Variants in LTBP3 observed in about 807,000 individuals in gnomAD.
The protein encoded by LTBP3 is latent-transforming growth factor beta-binding protein 3.
In LTBP3, 97 loss-of-function variants were observed where a neutral mutation model predicts 159.7. The ratio of observed to expected loss-of-function variants is 0.61; its 90% CI spans 0.52 to 0.72. The LOEUF (loss-of-function observed/expected upper bound fraction) is 0.72, where lower values mean the gene tolerates loss of function less well. Among genes scored for constraint, LTBP3 ranks in the 30% least tolerant of loss-of-function variants. LTBP3 has a pLI of 0.00. For missense variants in LTBP3, 1,584 were observed against 1,864.3 expected (o/e 0.85, Z 2.77); for synonymous variants, 824 against 777.1 (o/e 1.06, Z -1.00).
chr11:65,551,474 G>A lies in LTBP3; in HGVS notation c.1549C>T (p.Pro517Ser), dbSNP rs759938736. The A allele has an allele frequency of 6.2e-7, 1 of 1,614,060 alleles. No individual in the cohort carries two copies. The highest frequency in any genetic ancestry group is 1.1e-5 in the South Asian group (1 of 91,092). ...TGCACTGACCTCTCCTCACTCACCG[G>A]CTGCGGGTGACAGCAGCATGAGCCC... is the stretch of plus-strand genomic sequence containing the variant. ...EEERGVTTDSPVSEERSVQQS... is the reference protein window; with the variant it reads ...EEERGVTTDSSVSEERSVQQS... The change falls in exon 10 of 28, where the codon CCG becomes TCG. Residue 517 changes from proline (P) to serine (S), a missense_variant and splice_region_variant. By Grantham distance (74) the Pro-to-Ser change is moderately conservative. Around this residue, in one of 6 missense-constraint regions of LTBP3, gnomAD observed 565 missense variants for 677.7 expected, o/e 0.83. Transcript: ENST00000301873.
Position 65,546,308 on chromosome 11 carries a change from G to A in LTBP3, c.2353+134C>T, listed in dbSNP as rs1272759062. 21 of 1,186,072 alleles carry A rather than the reference G, an allele frequency of 1.8e-5. No homozygotes were observed. The highest frequency in any genetic ancestry group is 2.0e-5 in the Non-Finnish European group (18 of 883,832). 73.5% of individuals were successfully genotyped at this position (1,186,072 alleles called of 1,614,324 possible). On this transcript the variant is annotated intron_variant, in intron 16 of 27. Transcript: ENST00000301873. The surrounding 1 kb of genome is among the most constrained non-coding windows in gnomAD (Gnocchi z 4.0). ...TGCCTTCCTTGGCAAAGTTCGTTGA[G>A]AAAATGAGTGAGCAGAGTCACCTGG...
Position 65,546,683 on chromosome 11 carries a change from A to C in LTBP3, c.2230+115T>G. The C allele has an allele frequency of 6.5e-7, 1 of 1,542,132 alleles. No homozygotes were observed. Among genetic ancestry groups the C allele is most frequent in the Non-Finnish European group, 8.7e-7 (1 of 1,147,502 alleles). On this transcript the variant is annotated intron_variant, in intron 15 of 27. Transcript: ENST00000301873. The surrounding 1 kb of genome is among the most constrained non-coding windows in gnomAD (Gnocchi z 4.0). ...TTGAGAGGGCAGCCTCTACTCCCGG[A>C]AGGCCCCGCCCCCAGACGCCAATCA...
Position 65,553,591 on chromosome 11 carries a change from G to A in LTBP3, c.865-61C>T. On this transcript the variant is annotated intron_variant, in intron 3 of 27. Transcript: ENST00000301873. This position sits in a 1 kb window ranked among gnomAD's most constrained non-coding sequence, Gnocchi z 6.5. ...CCCCGCCCCGGTGCCGCCTGTTAGG[G>A]TTGGGCCTTTTCCTCTTCCCCCGCC... 1.3e-6 allele frequency: 2 copies of A among 1,503,234 alleles called. No individual in the cohort carries two copies. The highest frequency in any genetic ancestry group is 1.8e-6 in the Non-Finnish European group (2 of 1,094,816). The allele number at this position is 1,503,234 out of a possible 1,614,324, so 93.1% of individuals were successfully genotyped here.
intron 19 of LTBP3, 64 bp downstream of exon 19, chr11:65,541,536 C>A: frequency 5.0e-6 from 8 of 1,612,448 alleles, no homozygotes; most frequent in Non-Finnish European, 6.8e-6. Context: ...GGACACATCT[C>A]TGAATCCCAG....
intron 16 of LTBP3, chr11:65,543,845 CT>C: frequency 1.5e-5 from 7 of 469,940 alleles, no homozygotes; most frequent in Non-Finnish European, 1.6e-5. Flanking sequence ...CCATGGCTCC[CT>C]TTTTCCTCTG....
chr11:65,551,384 C>G lies in LTBP3; in HGVS notation c.1621+18G>C. 1.9e-6 allele frequency: 3 copies of G among 1,611,458 alleles called. No individual in the cohort carries two copies. The highest frequency in any genetic ancestry group is 2.5e-6 in the Non-Finnish European group (3 of 1,179,898). On this transcript the variant is annotated intron_variant, in intron 10 of 27. Transcript: ENST00000301873. ...TGATTTAGCCCTTGAGGACTCATCC[C>G]TACAGTGCCCAGCTCACCGGGGTAG...
chr11:65,538,719 C>A lies in LTBP3; in HGVS notation c.*361G>T. On this transcript the variant is annotated 3_prime_UTR_variant, in exon 28 of 28. Transcript: ENST00000301873. ...TCTATTTCACACCCCTTGTGCCGGG[C>A]TCAGTCTAGCCCCTGGGAGGCGGCT... 3 of 1,120,338 alleles carry A rather than the reference C, an allele frequency of 2.7e-6. No homozygotes were observed. Among genetic ancestry groups the A allele is most frequent in the South Asian group, 1.6e-5 (1 of 61,662 alleles). The allele number at this position is 1,120,338 out of a possible 1,614,324, so 69.4% of individuals were successfully genotyped here. A position where few individuals can be genotyped will look rare whatever the true frequency, so the allele number is the denominator to read the frequency against.
chr11:65,549,113 T>C (rs1856498336), intron 11 of LTBP3, among the ~76,000 whole-genome samples: 1 of 152,204 alleles, frequency 6.6e-6, no homozygotes, highest in South Asian at 2.1e-4. Flanking sequence ...AAATGGTATT[T>C]AGAACGTAAA....
chr11:65,548,500 T>TA, intron 11 of LTBP3: 2 of 239,266 alleles, frequency 8.4e-6, no homozygotes, highest in South Asian at 1.3e-4. Flanking sequence ...CCCGACCCCC[T>TA]ATTCCAGAAG....
chr11:65,554,685 G>C lies in LTBP3; in HGVS notation c.332-305C>G, dbSNP rs1856743875. On this transcript the variant is annotated intron_variant, in intron 1 of 27. Transcript: ENST00000301873. The surrounding 1 kb of genome is among the most constrained non-coding windows in gnomAD (Gnocchi z 5.3). The stretch of plus-strand genomic sequence containing the variant: ...GAGATGTGTGGGTTAGATGAGGTAA[G>C]GGCTGTACAAATGCTTACCCCAGGG... Among the ~76,000 whole-genome samples, 1 of 152,086 alleles carries C rather than the reference G, an allele frequency of 6.6e-6. No individual in the cohort carries two copies. Among genetic ancestry groups the C allele is most frequent in the Non-Finnish European group, 1.5e-5 (1 of 68,010 alleles).
At chr11:65,542,493 T>C (rs1439697991) in intron 18 of LTBP3, 1 of 154,252 alleles carries the variant, frequency 6.5e-6, no homozygotes, top group East Asian at 2.0e-4. Context: ...CTTCAAACGA[T>C]TCTTCTGCCT....
intron 11 of LTBP3, among the ~76,000 whole-genome samples, chr11:65,550,510 A>C (rs1439829297): frequency 1.3e-5 from 2 of 152,132 alleles, no homozygotes; most frequent in South Asian, 2.1e-4. Context: ...CAATGATAGA[A>C]GGCTTTCTGA....
rs745973200 is a variant in LTBP3 at position 65,543,455 on chromosome 11, A to G, written c.2448T>C (p.His816=). ...SFQCQCLSGY[H]LSRDRSHCED... ...CGCAGTGGCTCCGGTCCCTGGACAG[A>G]TGGTAGCCAGAGAGGCACTGACACT... Residue 816 remains histidine, a synonymous_variant, in exon 17 of 28, where the codon CAT becomes CAC. Transcript: ENST00000301873. 19 of 1,613,978 alleles carry G rather than the reference A, an allele frequency of 1.2e-5. No individual in the cohort carries two copies. Among genetic ancestry groups the G allele is most frequent in the Middle Eastern group, 1.6e-4 (1 of 6,084 alleles).
intron 19 of LTBP3, 27 bp downstream of exon 19, chr11:65,541,573 C>G: frequency 6.2e-7 from 1 of 1,613,978 alleles, no homozygotes. Flanking sequence ...TTGTCCAGTC[C>G]GAGGGAGGAG....
chr11:65,543,888 T>G (rs1331809890), intron 16 of LTBP3: 2 of 373,034 alleles, frequency 5.4e-6, no homozygotes, highest in Non-Finnish European at 1.0e-5. Flanking sequence ...TTCTTCCCAC[T>G]TTCTTCTGCT....
intron 10 of LTBP3, 22 bp downstream of exon 10, chr11:65,551,380 A>C (rs2135152102): frequency 6.2e-7 from 1 of 1,610,794 alleles, no homozygotes; most frequent in East Asian, 2.2e-5. Flanking sequence ...TTGAGGACTC[A>C]TCCCTACAGT....
intron 18 of LTBP3, 118 bp from the exon 19 acceptor site, chr11:65,541,846 G>T: frequency 8.4e-7 from 1 of 1,186,548 alleles, no homozygotes; most frequent in Non-Finnish European, 1.2e-6. Flanking sequence ...AGTATGTACA[G>T]CAGGAAGTCT....
At position 65,539,012 on chromosome 11, in the gene LTBP3, G is replaced by A. The variant is rs1198308694; in HGVS notation, c.*68C>T. The A allele has an allele frequency of 6.0e-6, 8 of 1,323,180 alleles. No homozygotes were observed. The highest frequency in any genetic ancestry group is 1.6e-5 in the African/African-American group (1 of 64,032). 82.0% of individuals were successfully genotyped at this position (1,323,180 alleles called of 1,614,324 possible). A position where few individuals can be genotyped will look rare whatever the true frequency, so the allele number is the denominator to read the frequency against. Reference sequence around the variant, plus strand: ...GTCCGAGCCACAAGTCGGGGCAGAAGTGAGGCCGAGCTCGCGGAAATCCCT... The same window carrying A: ...GTCCGAGCCACAAGTCGGGGCAGAAATGAGGCCGAGCTCGCGGAAATCCCT... On this transcript the variant is annotated 3_prime_UTR_variant, in exon 28 of 28. Coordinates refer to ENST00000301873, the MANE Select transcript of LTBP3 (RefSeq NM_001130144.3).
At position 65,557,894 on chromosome 11, in the gene LTBP3, C is replaced by T; in HGVS notation, c.66G>A (p.Gly22=). ...APEMRGAGAA[G]LLALLLLLLL... is the part of the protein sequence containing the mutation. The stretch of plus-strand genomic sequence containing the variant: ...GCAGCAGCAGCAGCAGCGCCAGCAG[C>T]CCCGCCGCCCCCGCCCCGCGCATCT... The change falls in exon 1 of 28, where the codon GGG becomes GGA. Residue 22 remains glycine (G), a synonymous_variant. Transcript: ENST00000301873. The T allele has an allele frequency of 7.8e-7, 1 of 1,275,056 alleles. No homozygotes were observed. The allele number at this position is 1,275,056 out of a possible 1,614,324, so 79.0% of individuals were successfully genotyped here. A position where few individuals can be genotyped will look rare whatever the true frequency, so the allele number is the denominator to read the frequency against.
Sources: gnomAD v4.1 joint callset for allele counts (sites outside exome capture counted in the v4.1 genomes callset) on GRCh38, gnomAD v4.1.1 for gene constraint, gnomAD v4.1.1 regional missense constraint, Gnocchi (gnomAD v3.1) non-coding constraint, MANE v1.5 for transcripts, NCBI Gene and HGNC (gene_info 2026-07-23, HGNC 2026-07-21) for gene names.